ENTREP2: variants seen among roughly 807,000 people sequenced by gnomAD.
The protein encoded by ENTREP2 is protein ENTREP2.
the ENTREP2 span, among the ~76,000 whole-genome samples, chr15:29,202,821 TC>T: frequency 1.3e-5 from 2 of 152,368 alleles, no homozygotes; most frequent in Middle Eastern, 3.4e-3. Flanking sequence ...GAACTTATTC[TC>T]TTTTATGGCT....
chr15:29,524,309 A>G, the ENTREP2 span, among the ~76,000 whole-genome samples: 1 of 152,212 alleles, frequency 6.6e-6, no homozygotes, highest in African/African-American at 2.4e-5. Flanking sequence ...GCACATCAAA[A>G]CCACAGCAAG....
At chr15:29,438,346 G>A in the ENTREP2 span, among the ~76,000 whole-genome samples, 1 of 152,192 alleles carries the variant, frequency 6.6e-6, no homozygotes, top group African/African-American at 2.4e-5. Flanking sequence ...GACTCCCCGT[G>A]GCTAACTGAC....
chr15:29,373,481 G>A, the ENTREP2 span: 1 of 152,066 alleles, frequency 6.6e-6, no homozygotes, highest in Admixed American at 6.5e-5. Context: ...TAACATGGAG[G>A]CTCCTCCAGT....
the ENTREP2 span, among the ~76,000 whole-genome samples, chr15:29,614,525 T>C: frequency 6.6e-6 from 1 of 152,200 alleles, no homozygotes; most frequent in Non-Finnish European, 1.5e-5. Context: ...CTCCTCTCTC[T>C]TTCCACTCCA....
chr15:29,494,321 T>G, the ENTREP2 span, among the ~76,000 whole-genome samples: 5 of 152,298 alleles, frequency 3.3e-5, no homozygotes, highest in African/African-American at 9.6e-5. Flanking sequence ...ACACAAGAAC[T>G]TTATACACAT....
chr15:29,217,412 A>G, the ENTREP2 span, among the ~76,000 whole-genome samples: 1 of 152,288 alleles, frequency 6.6e-6, no homozygotes, highest in South Asian at 2.1e-4. Flanking sequence ...GGGCATTACA[A>G]TTTAACATAG....
At chr15:29,235,348 A>G in the ENTREP2 span, among the ~76,000 whole-genome samples, 1 of 152,168 alleles carries the variant, frequency 6.6e-6, no homozygotes, top group Non-Finnish European at 1.5e-5. Context: ...TTGCTGTAAG[A>G]TATCTGCGTG....
the ENTREP2 span, among the ~76,000 whole-genome samples, chr15:29,253,711 G>A: frequency 6.6e-6 from 1 of 151,974 alleles, no homozygotes; most frequent in African/African-American, 2.4e-5. Context: ...AAAGTGCTGG[G>A]ATTACAGGCA....
chr15:29,459,172 G>A, the ENTREP2 span, among the ~76,000 whole-genome samples: 1 of 152,142 alleles, frequency 6.6e-6, no homozygotes, highest in Non-Finnish European at 1.5e-5. Context: ...CCAGCCTCCC[G>A]CACCACTCCA....
chr15:29,582,942 C>T, the ENTREP2 span, among the ~76,000 whole-genome samples: 1 of 152,102 alleles, frequency 6.6e-6, no homozygotes, highest in Admixed American at 6.5e-5. Context: ...AGCCACCGTG[C>T]CCAGCCCTGA....
the ENTREP2 span, among the ~76,000 whole-genome samples, chr15:29,141,082 C>T: frequency 3.9e-5 from 6 of 152,158 alleles, no homozygotes; most frequent in South Asian, 2.1e-4. Flanking sequence ...GGTGGGTGCA[C>T]GTGGAAGTGA....
chr15:29,402,291 A>G, the ENTREP2 span, among the ~76,000 whole-genome samples: 1 of 82,836 alleles, frequency 1.2e-5, no homozygotes, highest in Non-Finnish European at 2.6e-5. Flanking sequence ...TGTATATTGT[A>G]TTGTGTGTGT....
At chr15:29,438,119 A>C in the ENTREP2 span, among the ~76,000 whole-genome samples, 1 of 152,190 alleles carries the variant, frequency 6.6e-6, no homozygotes, top group Non-Finnish European at 1.5e-5. Context: ...AGCTGTGTAG[A>C]CCTACACATC....
At chr15:29,525,122 G>A in the ENTREP2 span, among the ~76,000 whole-genome samples, 4 of 152,152 alleles carry the variant, frequency 2.6e-5, no homozygotes, top group African/African-American at 4.8e-5. Context: ...ATTCTTAGTC[G>A]GCCTAGGAAA....
the ENTREP2 span, among the ~76,000 whole-genome samples, chr15:29,336,376 A>T: frequency 6.6e-6 from 1 of 151,874 alleles, no homozygotes; most frequent in East Asian, 2.0e-4. Context: ...CAGTGGCGTG[A>T]TCACAGCTCA....
At chr15:29,406,037 T>C in the ENTREP2 span, among the ~76,000 whole-genome samples, 1 of 152,242 alleles carries the variant, frequency 6.6e-6, no homozygotes. Context: ...GGCTGGGTTC[T>C]ATTTAAATCG....
the ENTREP2 span, among the ~76,000 whole-genome samples, chr15:29,214,122 A>T: frequency 6.6e-6 from 1 of 152,218 alleles, no homozygotes; most frequent in Admixed American, 6.5e-5. Flanking sequence ...ATTGTGGAAG[A>T]CAGTGTGGCA....
the ENTREP2 span, among the ~76,000 whole-genome samples, chr15:29,536,382 C>T: frequency 6.6e-6 from 1 of 152,036 alleles, no homozygotes; most frequent in Non-Finnish European, 1.5e-5. Flanking sequence ...ATAATGTCAC[C>T]GAGGCACTAC....
chr15:29,224,377 T>C, the ENTREP2 span, among the ~76,000 whole-genome samples: 216 of 152,180 alleles, frequency 1.4e-3, 2 homozygotes, highest in African/African-American at 3.3e-3. Flanking sequence ...CTTCCACACT[T>C]GTGGAAGGGA....
Sources: gnomAD v4.1 joint callset for allele counts (sites outside exome capture counted in the v4.1 genomes callset) on GRCh38, gnomAD v4.1.1 for gene constraint, MANE v1.5 for transcripts, NCBI Gene and HGNC (gene_info 2026-07-23, HGNC 2026-07-21) for gene names.